The following PDE8B variants were observed in gnomAD, a reference collection of about 807,000 sequenced individuals.
The protein encoded by PDE8B is phosphodiesterase 8B.
Under a neutral mutation model 101.3 loss-of-function variants are expected in PDE8B, and 26 were observed. The observed-to-expected ratio is 0.26, with a 90% CI of 0.19 to 0.36. The LOEUF is 0.36. Among genes scored for constraint, PDE8B ranks in the 10% least tolerant of loss-of-function variants. The probability of loss-of-function intolerance (pLI) is 1.00; values close to 1 mark genes in which losing one functional copy is unlikely to be tolerated. For synonymous variants in PDE8B, 424 were observed against 429.3 expected (o/e 0.99, Z 0.15); for missense variants, 810 against 1,163.1 (o/e 0.70, Z 4.42).
At chr5:77,127,542 A>G in the PDE8B span, among the ~76,000 whole-genome samples, 1 of 151,952 alleles carries the variant, frequency 6.6e-6, no homozygotes, top group Non-Finnish European at 1.5e-5. Flanking sequence ...ACAGTCTAAT[A>G]CCCCAGGTCC....
chr5:77,332,305 A>G (rs897531865), intron 5 of PDE8B, among the ~76,000 whole-genome samples: 6 of 152,228 alleles, frequency 3.9e-5, no homozygotes, highest in Admixed American at 6.5e-5. Flanking sequence ...TGTAAAAAGT[A>G]AAAGGTTTCC....
At chr5:77,217,353 A>G (rs73135241) in intron 1 of PDE8B, among the ~76,000 whole-genome samples, 8,070 of 151,492 alleles carry the variant, frequency 0.053, 715 homozygotes, top group African/African-American at 0.19. Flanking sequence ...CTCTCCACAG[A>G]CTCAAAAAGT....
At chr5:77,216,688 AC>A (rs952933162) in intron 1 of PDE8B, among the ~76,000 whole-genome samples, 5 of 152,186 alleles carry the variant, frequency 3.3e-5, no homozygotes, top group African/African-American at 1.2e-4. Flanking sequence ...AGTCAGGGAA[AC>A]CCTCAGAAGC....
chr5:77,187,357 T>C, the PDE8B span, among the ~76,000 whole-genome samples: 1 of 152,178 alleles, frequency 6.6e-6, no homozygotes, highest in Admixed American at 6.5e-5. Context: ...GAAGAAAAGA[T>C]ACCCACAAGT....
chr5:77,162,291 GA>G, the PDE8B span, among the ~76,000 whole-genome samples: 1 of 151,974 alleles, frequency 6.6e-6, no homozygotes, highest in Admixed American at 6.6e-5. Flanking sequence ...TACATCAATG[GA>G]GGAATAAATC....
the PDE8B span, among the ~76,000 whole-genome samples, chr5:77,122,878 A>G: frequency 6.6e-6 from 1 of 152,204 alleles, no homozygotes; most frequent in African/African-American, 2.4e-5. Context: ...CGAGATTGTG[A>G]TCCCCATGAA....
the PDE8B span, chr5:77,106,238 CCTACA>C: frequency 6.6e-6 from 1 of 152,194 alleles, no homozygotes; most frequent in East Asian, 1.9e-4. Flanking sequence ...TAAATATTTG[CCTACA>C]CTAAAGTTGC....
At chr5:77,167,088 G>T in the PDE8B span, among the ~76,000 whole-genome samples, 1 of 152,170 alleles carries the variant, frequency 6.6e-6, no homozygotes, top group Non-Finnish European at 1.5e-5. Flanking sequence ...ACATCTGAAA[G>T]TTTGCCTGGC....
In PDE8B at chr5:77,210,826, G is replaced by C; in HGVS notation, c.-100G>C. 5 of 990,230 alleles carry C rather than the reference G, an allele frequency of 5.0e-6. No homozygotes were observed. The highest frequency in any genetic ancestry group is 6.0e-6 in the Non-Finnish European group (5 of 834,744). 61.3% of individuals were successfully genotyped at this position (990,230 alleles called of 1,614,324 possible). ...CACAGGCCGGGGGGCGCGCAGTCCG[G>C]GCGCCGCCGCGGCCGCCCCCTCACT... On this transcript the variant is annotated 5_prime_UTR_variant, in exon 1 of 22. Coordinates refer to ENST00000264917, the MANE Select transcript of PDE8B (RefSeq NM_003719.5). This position sits in a 1 kb window ranked among gnomAD's most constrained non-coding sequence, Gnocchi z 4.9.
At position 77,349,559 on chromosome 5, in the gene PDE8B, G is replaced by C. The variant is rs528984122; in HGVS notation, c.1017G>C (p.Lys339Asn). 1 of 1,614,136 alleles carries C rather than the reference G, an allele frequency of 6.2e-7. No individual in the cohort carries two copies. Among genetic ancestry groups the C allele is most frequent in the Non-Finnish European group, 8.5e-7 (1 of 1,180,014 alleles). The change falls in exon 8 of 22, where the codon AAG (lysine) becomes AAC (asparagine). Residue 339 changes from lysine to asparagine, a missense_variant and splice_region_variant. Lys to Asn is a moderately conservative substitution (Grantham distance 94, BLOSUM62 0). Coordinates refer to ENST00000264917, the MANE Select transcript of PDE8B (RefSeq NM_003719.5). ...DTINTCIKKG[K>N]EWQGVYYARR... Reference sequence around the variant, plus strand: ...TCAATACATGCATCAAGAAGGGAAAGGTGGGTTACACCAGCAAAACCAATC... The same window carrying C: ...TCAATACATGCATCAAGAAGGGAAACGTGGGTTACACCAGCAAAACCAATC...
chr5:77,228,348 T>A (rs1393599661), intron 1 of PDE8B, among the ~76,000 whole-genome samples: 2 of 152,126 alleles, frequency 1.3e-5, no homozygotes, highest in Non-Finnish European at 2.9e-5. Flanking sequence ...TAGGTGGGAA[T>A]CATTGGGGGC....
the PDE8B span, among the ~76,000 whole-genome samples, chr5:77,202,786 A>C: frequency 6.6e-6 from 1 of 152,002 alleles, no homozygotes; most frequent in Admixed American, 6.6e-5. Flanking sequence ...TGCCTGGCTA[A>C]TTTTTATTTT....
intron 13 of PDE8B, 71 bp downstream of exon 13, chr5:77,407,528 C>T (rs1793730531): frequency 1.9e-6 from 2 of 1,065,734 alleles, no homozygotes; most frequent in Middle Eastern, 4.0e-4. Context: ...GAAAATACAT[C>T]ACACTGACAT....
intron 10 of PDE8B, among the ~76,000 whole-genome samples, chr5:77,392,658 C>T (rs1019211008): frequency 6.6e-6 from 1 of 152,202 alleles, no homozygotes; most frequent in African/African-American, 2.4e-5. Context: ...GATGGAGTTG[C>T]TTTGGCCTCC....
chr5:77,365,364 G>T lies in PDE8B; in HGVS notation c.1167+11958G>T, dbSNP rs1434074293. ...ATCTGGCGCGATCATGTTATATTAGGCTAGGGAGCTTTCCTGCTGGATGTC... is the reference window on the plus strand; with the variant it reads ...ATCTGGCGCGATCATGTTATATTAGTCTAGGGAGCTTTCCTGCTGGATGTC... On this transcript the variant is annotated intron_variant, in intron 10 of 21. Coordinates refer to ENST00000264917, the MANE Select transcript of PDE8B (RefSeq NM_003719.5). Among the ~76,000 whole-genome samples, 3 of 152,078 alleles carry T rather than the reference G, an allele frequency of 2.0e-5. No homozygotes were observed. In the East Asian group the frequency reaches 5.8e-4, roughly 29 times the overall value.
chr5:77,338,286 C>T (rs756749923), intron 6 of PDE8B, among the ~76,000 whole-genome samples: 7 of 152,190 alleles, frequency 4.6e-5, no homozygotes, highest in Non-Finnish European at 8.8e-5. Context: ...AATTATCCTC[C>T]GTCCCAGGGA....
At chr5:77,208,457 TAG>T (rs1747682064), upstream of PDE8B, among the ~76,000 whole-genome samples, 1 of 152,236 alleles carries the variant, frequency 6.6e-6, no homozygotes, top group African/African-American at 2.4e-5. Context: ...GGGACTAGTA[TAG>T]AGACTAGTGT....
chr5:77,302,832 T>C (rs1770281492), intron 1 of PDE8B, among the ~76,000 whole-genome samples: 2 of 152,294 alleles, frequency 1.3e-5, no homozygotes, highest in Non-Finnish European at 2.9e-5. Context: ...CAGGATGCCC[T>C]GTGGGATTGC....
the PDE8B span, among the ~76,000 whole-genome samples, chr5:77,166,251 CA>C: frequency 6.3e-5 from 8 of 126,846 alleles, no homozygotes; most frequent in African/African-American, 2.1e-4. Context: ...AAAAAACCAA[CA>C]AAAAAAACCC....
Sources: gnomAD v4.1 joint callset for allele counts (sites outside exome capture counted in the v4.1 genomes callset) on GRCh38, gnomAD v4.1.1 for gene constraint, Gnocchi (gnomAD v3.1) non-coding constraint, MANE v1.5 for transcripts, NCBI Gene and HGNC (gene_info 2026-07-23, HGNC 2026-07-21) for gene names.